ADGRL3: variants seen among roughly 807,000 people sequenced by gnomAD.
The protein encoded by ADGRL3 is adhesion G protein-coupled receptor L3.
ADGRL3 carries 62 observed loss-of-function variants against 153.5 expected under a neutral mutation model. The observed-to-expected ratio is 0.40, with a 90% CI of 0.33 to 0.50. The LOEUF (loss-of-function observed/expected upper bound fraction) is 0.50. Ranked by LOEUF, ADGRL3 falls within the 20% of genes least tolerant of loss-of-function variation. The pLI, the probability that ADGRL3 is intolerant of heterozygous loss-of-function variation, is 0.47. For synonymous variants in ADGRL3, 710 were observed against 672.5 expected (o/e 1.06, Z -0.86); for missense variants, 1,641 against 1,859.4 (o/e 0.88, Z 2.16).
chr4:61,621,736 G>A (rs945956298), intron 5 of ADGRL3, among the ~76,000 whole-genome samples: 1 of 151,918 alleles, frequency 6.6e-6, no homozygotes, highest in Non-Finnish European at 1.5e-5. Context: ...CAAGATAGCA[G>A]CGCTAATTAA....
intron 1 of ADGRL3, among the ~76,000 whole-genome samples, chr4:61,311,246 T>A (rs1344388243): frequency 2.0e-5 from 3 of 152,182 alleles, no homozygotes; most frequent in African/African-American, 7.2e-5. Flanking sequence ...TGGGTATCTC[T>A]TCTCCAAATG....
At position 62,005,999 on chromosome 4, in the gene ADGRL3, CACACATAT is replaced by C. The variant is rs1288535992; in HGVS notation, c.3395+7736_3395+7743del. 3.1e-3 allele frequency among the ~76,000 whole-genome samples: 258 copies of C among 82,548 alleles called. 1 individual carries two copies. The highest frequency in any genetic ancestry group is 0.011 in the African/African-American group (242 of 22,398). The allele number at this position is 82,548 out of a possible 152,430, so 54.2% of individuals were successfully genotyped here. ...ACACACACACACACACACACACACA[CACACATAT>C]ATATATATATATATATATATATATA... On this transcript the variant is annotated intron_variant, in intron 21 of 26. Transcript: ENST00000683033.
At chr4:61,665,414 C>T (rs538013976) in intron 5 of ADGRL3, among the ~76,000 whole-genome samples, 1 of 151,866 alleles carries the variant, frequency 6.6e-6, no homozygotes, top group South Asian at 2.1e-4. Context: ...GTCTTAAAAA[C>T]AAAAACGAAA....
rs542535687 is a variant in ADGRL3, at chr4:61,899,808, C to A, written c.1887+3974C>A. 2.6e-5 allele frequency among the ~76,000 whole-genome samples: 4 copies of A among 152,322 alleles called. No individual in the cohort carries two copies. In the South Asian group the frequency reaches 6.2e-4, roughly 24 times the overall value. On this transcript the variant is annotated intron_variant, in intron 11 of 26. Coordinates refer to ENST00000683033, the MANE Select transcript of ADGRL3 (RefSeq NM_001387552.1). ...CCTGCTTTCTGGTTCATCAGCAGCA[C>A]CTTCTCACTGAATCCTCACATGGTG...
chr4:61,676,911 G>C lies in ADGRL3; in HGVS notation c.559G>C (p.Val187Leu), dbSNP rs1194359666. 15 of 1,610,932 alleles carry C rather than the reference G, an allele frequency of 9.3e-6. No homozygotes were observed. The highest frequency in any genetic ancestry group is 1.3e-5 in the Non-Finnish European group (15 of 1,177,546). The part of the protein sequence containing the change: ...PCPGTYKYLE[V>L]QYECVPYKVE... ...TCCAGGAACCTATAAATACCTTGAA[G>C]TGCAGTATGAATGTGTCCCTTACAG... The change falls in exon 6 of 27, where the codon GTG becomes CTG. Residue 187 changes from valine (V) to leucine (L), a missense_variant. By Grantham distance (32) the Val-to-Leu change is conservative. Transcript: ENST00000683033.
intron 1 of ADGRL3, among the ~76,000 whole-genome samples, chr4:61,373,600 A>C (rs1195623152): frequency 6.6e-6 from 1 of 152,232 alleles, no homozygotes; most frequent in African/African-American, 2.4e-5. Flanking sequence ...AGCATCAATT[A>C]AATTTAAAAA....
chr4:61,583,554 T>C (rs1489767897), intron 4 of ADGRL3: 3 of 399,604 alleles, frequency 7.5e-6, no homozygotes, highest in African/African-American at 6.2e-5. Context: ...TTTTATGTGC[T>C]TTCCTCACAG....
At chr4:61,851,579 G>T (rs1210267746) in intron 9 of ADGRL3, among the ~76,000 whole-genome samples, 1 of 115,056 alleles carries the variant, frequency 8.7e-6, no homozygotes, top group Non-Finnish European at 1.6e-5. Flanking sequence ...AACAGAGTGA[G>T]ACCATGTCTC....
intron 2 of ADGRL3, among the ~76,000 whole-genome samples, chr4:61,412,377 C>G (rs764573131): frequency 1.3e-5 from 2 of 152,094 alleles, no homozygotes; most frequent in Non-Finnish European, 2.9e-5. Context: ...TGTGGTCCCC[C>G]ACACCAGGCC....
intron 4 of ADGRL3, among the ~76,000 whole-genome samples, chr4:61,584,863 C>T (rs956505279): frequency 1.3e-5 from 2 of 151,924 alleles, no homozygotes; most frequent in African/African-American, 4.8e-5. Context: ...TTTAAATACA[C>T]TTATGAAAAT....
chr4:61,996,956 T>C (rs184972613), intron 20 of ADGRL3, among the ~76,000 whole-genome samples: 360 of 152,126 alleles, frequency 2.4e-3, no homozygotes, highest in Non-Finnish European at 4.0e-3. Flanking sequence ...TAATTGCTTA[T>C]GTACTTATAA....
chr4:61,952,965 C>T (rs940836743), intron 17 of ADGRL3, among the ~76,000 whole-genome samples: 1 of 152,142 alleles, frequency 6.6e-6, no homozygotes, highest in Non-Finnish European at 1.5e-5. Context: ...AATCACAAAG[C>T]ATGTGTGTCC....
chr4:61,418,202 T>C (rs2097165482), intron 2 of ADGRL3, among the ~76,000 whole-genome samples: 1 of 152,224 alleles, frequency 6.6e-6, no homozygotes, highest in African/African-American at 2.4e-5. Context: ...CTTTCTCTTA[T>C]ATTTTCGTTG....
chr4:61,413,824 T>C (rs145813090), intron 2 of ADGRL3, among the ~76,000 whole-genome samples: 1 of 152,184 alleles, frequency 6.6e-6, no homozygotes, highest in South Asian at 2.1e-4. Flanking sequence ...GTTCCATGAA[T>C]CCACATTGTT....
intron 4 of ADGRL3, among the ~76,000 whole-genome samples, chr4:61,563,699 G>A (rs1016019794): frequency 6.6e-6 from 1 of 152,170 alleles, no homozygotes; most frequent in Non-Finnish European, 1.5e-5. Flanking sequence ...TTCATGCTAT[G>A]GAGATTACTT....
At chr4:61,206,117 T>C (rs1737075491) in intron 1 of ADGRL3, among the ~76,000 whole-genome samples, 1 of 152,168 alleles carries the variant, frequency 6.6e-6, no homozygotes, top group Non-Finnish European at 1.5e-5. Flanking sequence ...TCATAATAGG[T>C]TCTATAGACC....
At chr4:61,984,743 C>T (rs2099079744) in intron 19 of ADGRL3, among the ~76,000 whole-genome samples, 1 of 152,082 alleles carries the variant, frequency 6.6e-6, no homozygotes, top group Non-Finnish European at 1.5e-5. Context: ...AACTTCTGGG[C>T]TCAAGTGATC....
intron 1 of ADGRL3, among the ~76,000 whole-genome samples, chr4:61,228,309 T>C (rs1748899135): frequency 6.6e-6 from 1 of 152,214 alleles, no homozygotes; most frequent in African/African-American, 2.4e-5. Context: ...TCATTACTAT[T>C]TTAGGAAATC....
chr4:61,855,347 G>T (rs2149205897), intron 9 of ADGRL3, among the ~76,000 whole-genome samples: 1 of 152,180 alleles, frequency 6.6e-6, no homozygotes, highest in East Asian at 1.9e-4. Flanking sequence ...CAAAATATCA[G>T]ATTCATGTAG....
Sources: allele counts gnomAD v4.1 joint callset (sites outside exome capture counted in the v4.1 genomes callset), GRCh38; gene constraint gnomAD v4.1.1; transcripts MANE v1.5; gene names NCBI Gene and HGNC (gene_info 2026-07-23, HGNC 2026-07-21).